Variants in JAKMIP2 observed in about 807,000 individuals in gnomAD.
JAKMIP2 encodes the protein janus kinase and microtubule interacting protein 2.
Under a neutral mutation model 115.0 loss-of-function variants are expected in JAKMIP2, and 25 were observed. That is an observed-to-expected ratio of 0.22 (90% CI 0.16 to 0.30). The LOEUF is 0.30. Among genes scored for constraint, JAKMIP2 ranks in the 10% least tolerant of loss-of-function variants. The pLI is 1.00. For synonymous variants in JAKMIP2, 334 were observed against 343.6 expected, an observed-to-expected ratio of 0.97 and a Z score of 0.31; for missense variants, 642 against 957.6, an observed-to-expected ratio of 0.67 and a Z score of 4.35.
intron 1 of JAKMIP2, among the ~76,000 whole-genome samples, chr5:147,677,816 T>C (rs745497275): frequency 6.6e-5 from 10 of 152,224 alleles, no homozygotes; most frequent in South Asian, 2.1e-4. Flanking sequence ...TCACATACTT[T>C]TTTTGTGGTG....
chr5:147,654,305 G>T (rs1215806506), intron 3 of JAKMIP2, among the ~76,000 whole-genome samples: 1 of 151,666 alleles, frequency 6.6e-6, no homozygotes, highest in Non-Finnish European at 1.5e-5. Context: ...ACTTTTGTCA[G>T]TATGGACATT....
intron 1 of JAKMIP2, among the ~76,000 whole-genome samples, chr5:147,695,702 C>CAGAGAA (rs1752079155): frequency 2.0e-5 from 3 of 149,304 alleles, no homozygotes; most frequent in South Asian, 4.2e-4. Flanking sequence ...GAGACAGAGA[C>CAGAGAA]AGAGAAAGAG....
chr5:147,712,170 T>C lies in JAKMIP2; in HGVS notation c.-148-40216A>G, dbSNP rs1752806996. Reference sequence around the variant, plus strand: ...CTTGGCTTTGCCGCCTGTCTTCTGTTCTGGCCTGCCCTTCTTGTCTACAAC... The same window carrying C: ...CTTGGCTTTGCCGCCTGTCTTCTGTCCTGGCCTGCCCTTCTTGTCTACAAC... On this transcript the variant is annotated intron_variant, in intron 1 of 21. Coordinates refer to ENST00000616793, the MANE Select transcript of JAKMIP2 (RefSeq NM_001270941.2). Among the ~76,000 whole-genome samples, 4 of 152,202 alleles carry C rather than the reference T, an allele frequency of 2.6e-5. No individual in the cohort carries two copies. The South Asian group carries it at 6.2e-4, about 24-fold the overall frequency.
At position 147,628,115 on chromosome 5, in the gene JAKMIP2, G is replaced by T. The variant is rs1223793866; in HGVS notation, c.1995+636C>A. ...TAGTACACTATAGCCCCAAATTCTT[G>T]GGCTCAAGTGAGCCTCCTCCCTCAG... is the stretch of plus-strand genomic sequence containing the variant. On this transcript the variant is annotated intron_variant, in intron 16 of 21. Coordinates refer to ENST00000616793, the MANE Select transcript of JAKMIP2 (RefSeq NM_001270941.2). Among the ~76,000 whole-genome samples the T allele has an allele frequency of 2.0e-5, 3 of 151,668 alleles. No homozygotes were observed. In the East Asian group the frequency reaches 5.8e-4, roughly 29 times the overall value.
In JAKMIP2 at chr5:147,586,868, G is replaced by A. The variant is rs1754896104; in HGVS notation, c.*4839C>T. The A allele has an allele frequency of 6.6e-6, 1 of 150,726 alleles. No individual in the cohort carries two copies. Among genetic ancestry groups the A allele is most frequent in the Non-Finnish European group, 1.5e-5 (1 of 67,796 alleles). The allele number at this position is 150,726 out of a possible 1,614,324, so 9.3% of individuals were successfully genotyped here. ...TTAGCCTTCTGAGTAGCTATCTTTA[G>A]GAATTTTGATTAAGCATTGGACTTG... is the stretch of plus-strand genomic sequence containing the variant. On this transcript the variant is annotated 3_prime_UTR_variant, in exon 22 of 22. Transcript: ENST00000616793.
chr5:147,645,030 G>A, intron 5 of JAKMIP2, 34 bp from the exon 6 acceptor site: 3 of 1,608,120 alleles, frequency 1.9e-6, no homozygotes, highest in Middle Eastern at 1.7e-4. Context: ...TGTGTCTTGC[G>A]TTTGGGGGAC....
At chr5:147,670,155 T>A (rs1262440472) in intron 2 of JAKMIP2, among the ~76,000 whole-genome samples, 2 of 152,124 alleles carry the variant, frequency 1.3e-5, no homozygotes, top group Non-Finnish European at 2.9e-5. Flanking sequence ...TACATTACAG[T>A]CTCTTTATCT....
intron 1 of JAKMIP2, among the ~76,000 whole-genome samples, chr5:147,692,060 T>A (rs981484787): frequency 1.3e-5 from 2 of 152,160 alleles, no homozygotes; most frequent in African/African-American, 4.8e-5. Flanking sequence ...AAAAGATATG[T>A]TTAAGTCCTA....
At chr5:147,745,580 C>T (rs777101997) in intron 1 of JAKMIP2, among the ~76,000 whole-genome samples, 3 of 152,114 alleles carry the variant, frequency 2.0e-5, no homozygotes, top group African/African-American at 4.8e-5. Flanking sequence ...ATTTTTATGG[C>T]CTTTTGTACT....
At chr5:147,694,588 G>A (rs974694385) in intron 1 of JAKMIP2, among the ~76,000 whole-genome samples, 6 of 152,188 alleles carry the variant, frequency 3.9e-5, no homozygotes, top group Non-Finnish European at 8.8e-5. Context: ...CCCTCCTGGT[G>A]ACTGGCAATG....
At chr5:147,745,990 A>G (rs1418477147) in intron 1 of JAKMIP2, among the ~76,000 whole-genome samples, 1 of 152,204 alleles carries the variant, frequency 6.6e-6, no homozygotes, top group Non-Finnish European at 1.5e-5. Context: ...ATACACAAGT[A>G]TTTACAATTA....
At chr5:147,761,383 T>G (rs1311211868) in intron 1 of JAKMIP2, among the ~76,000 whole-genome samples, 1 of 152,076 alleles carries the variant, frequency 6.6e-6, no homozygotes, top group Non-Finnish European at 1.5e-5. Flanking sequence ...GCATCACCTT[T>G]TCCATTTTAC....
chr5:147,721,182 C>T (rs978521805), intron 1 of JAKMIP2, among the ~76,000 whole-genome samples: 130 of 151,660 alleles, frequency 8.6e-4, no homozygotes, highest in Non-Finnish European at 1.7e-3. Context: ...GTCAGGGACC[C>T]ACTTGAGGAG....
chr5:147,721,457 A>G (rs1184104325), intron 1 of JAKMIP2, among the ~76,000 whole-genome samples: 73 of 150,690 alleles, frequency 4.8e-4, no homozygotes, highest in Admixed American at 1.4e-3. Flanking sequence ...CCTCGCTGCC[A>G]CCTTGCAGTT....
intron 1 of JAKMIP2, among the ~76,000 whole-genome samples, chr5:147,695,192 C>G (rs1752047159): frequency 1.3e-5 from 2 of 152,248 alleles, no homozygotes; most frequent in South Asian, 2.1e-4. Context: ...AGTTTAGGGA[C>G]AGTTGCCAAT....
chr5:147,767,966 A>G (rs1755212359), intron 1 of JAKMIP2, among the ~76,000 whole-genome samples: 1 of 151,988 alleles, frequency 6.6e-6, no homozygotes, highest in East Asian at 1.9e-4. Flanking sequence ...TTAAAAATCC[A>G]TTTTCTTGCA....
chr5:147,599,406 G>C (rs6867185), intron 21 of JAKMIP2, among the ~76,000 whole-genome samples: 1 of 152,158 alleles, frequency 6.6e-6, no homozygotes, highest in Non-Finnish European at 1.5e-5. Flanking sequence ...CTTGTAAGCT[G>C]TGCACTCTAA....
intron 1 of JAKMIP2, among the ~76,000 whole-genome samples, chr5:147,689,457 A>T (rs1412220315): frequency 6.6e-6 from 1 of 152,140 alleles, no homozygotes. Flanking sequence ...TCACTGCAAA[A>T]ATCCAGCTTG....
rs753734057 is a variant in JAKMIP2, at chr5:147,661,050, T to C, written c.525A>G (p.Gln175=). The C allele has an allele frequency of 3.7e-6, 6 of 1,614,084 alleles. No homozygotes were observed. In the South Asian group the frequency reaches 5.5e-5, roughly 15 times the overall value. ...QVDEALSNMI[Q]ADKIKAGDLR... is the part of the protein sequence containing the mutation. ...GGTCCCCAGCCTTGATTTTATCTGCTTGGATCATATTGCTCAGAGCCTCGT... is the reference window on the plus strand; with the variant it reads ...GGTCCCCAGCCTTGATTTTATCTGCCTGGATCATATTGCTCAGAGCCTCGT... The change falls in exon 3 of 22, where the codon CAA becomes CAG. Residue 175 remains glutamine, a synonymous_variant. Transcript: ENST00000616793.
Sources: allele counts gnomAD v4.1 joint callset (sites outside exome capture counted in the v4.1 genomes callset), GRCh38; gene constraint gnomAD v4.1.1; transcripts MANE v1.5; gene names NCBI Gene and HGNC (gene_info 2026-07-23, HGNC 2026-07-21).